CADPS2: variants seen among roughly 807,000 people sequenced by gnomAD.
The protein encoded by CADPS2 is calcium dependent secretion activator 2.
Under a neutral mutation model 172.5 loss-of-function variants are expected in CADPS2, and 93 were observed. The ratio of observed to expected loss-of-function variants is 0.54; its 90% CI spans 0.46 to 0.64. The LOEUF is 0.64. CADPS2 is among the 30% of genes least tolerant of loss of function. CADPS2 has a pLI of 0.00. For synonymous variants in CADPS2, 546 were observed against 555.2 expected (o/e 0.98, Z 0.23); for missense variants, 1,420 against 1,565.9 (o/e 0.91, Z 1.57).
intron 1 of CADPS2, among the ~76,000 whole-genome samples, chr7:122,827,416 G>GGAGGTTGAGGTGGGTGGATCAACT (rs55648500): frequency 6.6e-6 from 1 of 151,460 alleles, no homozygotes; most frequent in East Asian, 1.9e-4. Flanking sequence ...CAGCACTTTG[G>GGAGGTTGAGGTGGGTGGATCAACT]GAGGTTGGGA....
At chr7:122,477,026 AGGAGAG>A (rs1327188636) in intron 12 of CADPS2, among the ~76,000 whole-genome samples, 1 of 104,268 alleles carries the variant, frequency 9.6e-6, no homozygotes, top group Admixed American at 1.0e-4. Context: ...AGGAGAGGAG[AGGAGAG>A]GAGAGGAGAG....
At chr7:122,426,048 T>C (rs1585906948) in intron 17 of CADPS2, 1 of 152,320 alleles carries the variant, frequency 6.6e-6, no homozygotes, top group East Asian at 1.9e-4. Context: ...CAGTGGGCAA[T>C]GGCAGGGGAC....
chr7:122,593,663 G>A (rs2071270045), intron 6 of CADPS2, among the ~76,000 whole-genome samples: 2 of 151,824 alleles, frequency 1.3e-5, no homozygotes, highest in South Asian at 2.1e-4. Flanking sequence ...AAAATTGACA[G>A]TTTTGAATAT....
At chr7:122,765,257 A>C (rs2093510644) in intron 1 of CADPS2, among the ~76,000 whole-genome samples, 1 of 152,178 alleles carries the variant, frequency 6.6e-6, no homozygotes, top group South Asian at 2.1e-4. Context: ...GTAGGGGTCT[A>C]AGTCTCTAAT....
At chr7:122,552,913 T>C (rs1163133015) in intron 8 of CADPS2, among the ~76,000 whole-genome samples, 1 of 152,032 alleles carries the variant, frequency 6.6e-6, no homozygotes, top group African/African-American at 2.4e-5. Context: ...CTAAGCACTT[T>C]AGAGCACTAG....
chr7:122,521,126 C>T (rs920878529), intron 8 of CADPS2, among the ~76,000 whole-genome samples: 3 of 152,022 alleles, frequency 2.0e-5, no homozygotes, highest in Admixed American at 2.0e-4. Flanking sequence ...AAAGGGCTTT[C>T]ATAAGAGAAA....
At chr7:122,869,843 A>C (rs547876381) in intron 1 of CADPS2, among the ~76,000 whole-genome samples, 2 of 152,198 alleles carry the variant, frequency 1.3e-5, no homozygotes, top group African/African-American at 2.4e-5. Flanking sequence ...AAAAGAGTAA[A>C]AGTATAGAGT....
intron 11 of CADPS2, among the ~76,000 whole-genome samples, chr7:122,483,624 T>C (rs915119905): frequency 3.3e-4 from 50 of 152,128 alleles, no homozygotes; most frequent in East Asian, 1.9e-4. Context: ...TTAAAAGATA[T>C]TGACTAAGGC....
chr7:122,534,828 T>C (rs1452536697), intron 8 of CADPS2, among the ~76,000 whole-genome samples: 1 of 152,082 alleles, frequency 6.6e-6, no homozygotes, highest in Non-Finnish European at 1.5e-5. Context: ...ATATCCAAGG[T>C]TCCTTAGCCA....
At chr7:122,559,126 A>T (rs2065394150) in intron 7 of CADPS2, among the ~76,000 whole-genome samples, 1 of 152,158 alleles carries the variant, frequency 6.6e-6, no homozygotes, top group African/African-American at 2.4e-5. Flanking sequence ...TTCTTGAAAA[A>T]ATCATGACAG....
At chr7:122,550,212 G>A (rs893048110) in intron 8 of CADPS2, among the ~76,000 whole-genome samples, 1 of 152,150 alleles carries the variant, frequency 6.6e-6, no homozygotes, top group South Asian at 2.1e-4. Flanking sequence ...CTTGCAACAA[G>A]AGATGAGCCC....
chr7:122,477,026 AGG>A (rs1563448258), intron 12 of CADPS2, among the ~76,000 whole-genome samples: 1 of 104,268 alleles, frequency 9.6e-6, no homozygotes, highest in Non-Finnish European at 1.9e-5. Context: ...AGGAGAGGAG[AGG>A]AGAGGAGAGG....
chr7:122,671,889 A>G (rs7778947), intron 2 of CADPS2, among the ~76,000 whole-genome samples: 90,174 of 151,990 alleles, frequency 0.59, 28,656 homozygotes, highest in Middle Eastern at 0.82. Context: ...ATACACTTGC[A>G]TAATTTAAAT....
At chr7:122,380,418 C>A (rs1483694693) in intron 24 of CADPS2, among the ~76,000 whole-genome samples, 1 of 152,012 alleles carries the variant, frequency 6.6e-6, no homozygotes, top group Non-Finnish European at 1.5e-5. Context: ...ATTAGACCAA[C>A]TTCACTGCTG....
intron 1 of CADPS2, among the ~76,000 whole-genome samples, chr7:122,819,754 C>A (rs1484880862): frequency 6.6e-6 from 1 of 152,098 alleles, no homozygotes; most frequent in Non-Finnish European, 1.5e-5. Context: ...TCATCGCCAC[C>A]CTTCTTCCCA....
chr7:122,780,674 A>T (rs1481840328), intron 1 of CADPS2, among the ~76,000 whole-genome samples: 1 of 151,872 alleles, frequency 6.6e-6, no homozygotes, highest in Non-Finnish European at 1.5e-5. Context: ...ACTAATTTTT[A>T]TTATTTTTTA....
intron 1 of CADPS2, among the ~76,000 whole-genome samples, chr7:122,864,470 ACT>A (rs34763394): frequency 0.21 from 31,357 of 151,922 alleles, 3,443 homozygotes; most frequent in Middle Eastern, 0.28. Context: ...ACAAAGTGAA[ACT>A]CTGTCTCAAA....
chr7:122,642,824 G>A (rs1054627069), intron 3 of CADPS2, among the ~76,000 whole-genome samples: 1 of 151,812 alleles, frequency 6.6e-6, no homozygotes, highest in African/African-American at 2.4e-5. Flanking sequence ...GTTAATCCTA[G>A]TTAACTGCAC....
chr7:122,801,057 T>C (rs568684274), intron 1 of CADPS2, among the ~76,000 whole-genome samples: 21 of 142,286 alleles, frequency 1.5e-4, no homozygotes, highest in Non-Finnish European at 2.4e-4. Context: ...AAAAACACTA[T>C]TTGGGCTAAA....
Sources: allele counts gnomAD v4.1 joint callset (sites outside exome capture counted in the v4.1 genomes callset), GRCh38; gene constraint gnomAD v4.1.1; transcripts MANE v1.5; gene names NCBI Gene and HGNC (gene_info 2026-07-23, HGNC 2026-07-21).